Variants in LPCAT2 observed in about 807,000 individuals in gnomAD.
The protein encoded by LPCAT2 is lysophosphatidylcholine acyltransferase 2.
LPCAT2 carries 58 observed loss-of-function variants against 64.7 expected under a neutral mutation model. That is an observed-to-expected ratio of 0.90 (90% CI 0.73 to 1.12). The LOEUF (loss-of-function observed/expected upper bound fraction) is 1.12, where lower values mean the gene tolerates loss of function less well. Among genes scored for constraint, LPCAT2 ranks in the 50% most tolerant of loss-of-function variants. The pLI is 0.00. For synonymous variants in LPCAT2, 252 were observed against 245.3 expected (o/e 1.03, Z -0.26); for missense variants, 579 against 669.8 (o/e 0.86, Z 1.50).
chr16:55,571,499 T>A (rs1963769566), intron 11 of LPCAT2, among the ~76,000 whole-genome samples: 1 of 152,186 alleles, frequency 6.6e-6, no homozygotes, highest in Non-Finnish European at 1.5e-5. Context: ...TTACCCAATG[T>A]AACTCCTTAG....
chr16:55,514,891 TG>T (rs1253030090), intron 1 of LPCAT2, among the ~76,000 whole-genome samples: 2 of 17,290 alleles, frequency 1.2e-4, no homozygotes, highest in African/African-American at 2.2e-4. Context: ...TGCAATGCAT[TG>T]TGTGTGTGTG....
chr16:55,583,290 G>T lies in LPCAT2; in HGVS notation c.*192G>T, dbSNP rs12933746. 0.53 allele frequency: 276,300 copies of T among 526,230 alleles called. 73,958 individuals carry two copies. The highest frequency in any genetic ancestry group is 0.71 in the East Asian group (22,635 of 31,958). 32.6% of individuals were successfully genotyped at this position (526,230 alleles called of 1,614,324 possible). Reference sequence around the variant, plus strand: ...ATTGGAAAAAATCAAGCAATATTTCGTTTTCTTTTGTGTTATATTGTACTT... The same window carrying T: ...ATTGGAAAAAATCAAGCAATATTTCTTTTTCTTTTGTGTTATATTGTACTT... On this transcript the variant is annotated 3_prime_UTR_variant, in exon 14 of 14. Coordinates refer to ENST00000262134, the MANE Select transcript of LPCAT2 (RefSeq NM_017839.5).
Position 55,528,565 on chromosome 16 carries a change from A to G in LPCAT2, c.500A>G (p.Asn167Ser), listed in dbSNP as rs1429652807. Residue 167 changes from asparagine to serine, a missense_variant, in exon 3 of 14, where the codon AAT (asparagine) becomes AGT (serine). Physicochemically the swap from Asn to Ser is conservative, Grantham distance 46. Transcript: ENST00000262134. Reference sequence around the variant, plus strand: ...GGGTTACCTTCTATGGTATCTCGAAATGAGAATGCACAAGTCCCTCTGATT... The same window carrying G: ...GGGTTACCTTCTATGGTATCTCGAAGTGAGAATGCACAAGTCCCTCTGATT... Reference protein sequence around the residue: ...VAGLPSMVSRNENAQVPLIGR... With the variant: ...VAGLPSMVSRSENAQVPLIGR... 2 of 1,613,692 alleles carry G rather than the reference A, an allele frequency of 1.2e-6. No individual in the cohort carries two copies. The highest frequency in any genetic ancestry group is 2.2e-5 in the East Asian group (1 of 44,848).
At chr16:55,534,291 C>T in intron 6 of LPCAT2, 152 bp from the exon 7 acceptor site, 1 of 559,660 alleles carries the variant, frequency 1.8e-6, no homozygotes, top group South Asian at 2.3e-5. Context: ...GATCAGTTCA[C>T]TGTTCTTTAA....
intron 1 of LPCAT2, among the ~76,000 whole-genome samples, chr16:55,514,136 T>A (rs1962973190): frequency 6.6e-6 from 1 of 151,892 alleles, no homozygotes; most frequent in Admixed American, 6.6e-5. Context: ...GCCAAAAACC[T>A]TAAAAGAAAA....
chr16:55,559,515 CT>C (rs1420490584), intron 11 of LPCAT2, among the ~76,000 whole-genome samples: 1 of 152,124 alleles, frequency 6.6e-6, no homozygotes. Flanking sequence ...TTGCCTGCCC[CT>C]TCCTGTTACA....
intron 1 of LPCAT2, among the ~76,000 whole-genome samples, chr16:55,514,908 G>A (rs914718111): frequency 6.6e-6 from 1 of 151,520 alleles, no homozygotes; most frequent in Non-Finnish European, 1.5e-5. Flanking sequence ...GTGTGTGTGT[G>A]TGTGTGTGTG....
At chr16:55,550,672 T>C (rs902550183) in intron 10 of LPCAT2, among the ~76,000 whole-genome samples, 5 of 152,140 alleles carry the variant, frequency 3.3e-5, no homozygotes, top group South Asian at 4.1e-4. Context: ...TCCCAACACC[T>C]TGGGAGGCCG....
intron 11 of LPCAT2, among the ~76,000 whole-genome samples, chr16:55,555,285 T>G (rs1366471699): frequency 6.6e-6 from 1 of 152,188 alleles, no homozygotes; most frequent in African/African-American, 2.4e-5. Context: ...CTTTTAACAG[T>G]TTAATAATGT....
rs772023176 is a variant in LPCAT2, at chr16:55,551,099, C to T, written c.1212C>T (p.Asp404=). 6.2e-7 allele frequency: 1 copy of T among 1,607,734 alleles called. No homozygotes were observed. Among genetic ancestry groups the T allele is most frequent in the Non-Finnish European group, 8.5e-7 (1 of 1,176,204 alleles). ...DVLRQLFALF[D]RNHDGSIDFR... The stretch of plus-strand genomic sequence containing the variant: ...TGAGACAACTTTTTGCACTCTTTGA[C>T]AGGGTATGTTAAAATTTAATCTTTC... The change falls in exon 11 of 14, where the codon GAC becomes GAT. Residue 404 remains aspartate, a synonymous_variant. Transcript: ENST00000262134.
At chr16:55,574,099 A>G (rs1264220675) in intron 11 of LPCAT2, among the ~76,000 whole-genome samples, 3 of 152,212 alleles carry the variant, frequency 2.0e-5, no homozygotes, top group Non-Finnish European at 4.4e-5. Flanking sequence ...AAGTTGCCCA[A>G]GTTTGCTTCA....
intron 13 of LPCAT2, 129 bp downstream of exon 13, chr16:55,579,373 C>T (rs1339026922): frequency 1.1e-6 from 1 of 878,510 alleles, no homozygotes; most frequent in Non-Finnish European, 1.7e-6. Context: ...TATTGATGAC[C>T]ACAGTAATAA....
chr16:55,529,737 T>C, intron 3 of LPCAT2, 98 bp from the exon 4 acceptor site: 2 of 471,852 alleles, frequency 4.2e-6, no homozygotes, highest in Non-Finnish European at 7.4e-6. Flanking sequence ...GATTTACTCA[T>C]TTAAATTTTC....
At chr16:55,533,441 T>G (rs1303581403) in intron 6 of LPCAT2, among the ~76,000 whole-genome samples, 10 of 137,224 alleles carry the variant, frequency 7.3e-5, no homozygotes, top group Non-Finnish European at 1.4e-4. Context: ...GACAGAGTCT[T>G]GCTCTGTCAT....
At chr16:55,561,989 A>G (rs1426809647) in intron 11 of LPCAT2, among the ~76,000 whole-genome samples, 1 of 152,028 alleles carries the variant, frequency 6.6e-6, no homozygotes, top group Non-Finnish European at 1.5e-5. Flanking sequence ...TAATAGCTAG[A>G]ATAATCATTA....
chr16:55,521,835 A>G (rs538046312), intron 1 of LPCAT2, among the ~76,000 whole-genome samples: 8 of 151,796 alleles, frequency 5.3e-5, no homozygotes, highest in South Asian at 2.1e-4. Context: ...AAATAGGGAT[A>G]AAGAGAAACT....
intron 11 of LPCAT2, among the ~76,000 whole-genome samples, chr16:55,562,054 G>A (rs1389722445): frequency 2.0e-5 from 3 of 151,838 alleles, no homozygotes; most frequent in Admixed American, 6.6e-5. Flanking sequence ...ATCTCCTTTT[G>A]ACTTTACATT....
At chr16:55,526,695 A>G (rs965763209) in intron 2 of LPCAT2, among the ~76,000 whole-genome samples, 13 of 152,282 alleles carry the variant, frequency 8.5e-5, no homozygotes, top group African/African-American at 2.9e-4. Context: ...GAACGTTTTT[A>G]TGACTCACCA....
intron 11 of LPCAT2, chr16:55,567,448 A>G (rs1277890504): frequency 6.2e-7 from 1 of 1,613,682 alleles, no homozygotes; most frequent in Non-Finnish European, 8.5e-7. Flanking sequence ...AGAGATAGAG[A>G]TGGCCTGATT....
Sources: gnomAD v4.1 joint callset for allele counts (sites outside exome capture counted in the v4.1 genomes callset) on GRCh38, gnomAD v4.1.1 for gene constraint, MANE v1.5 for transcripts, NCBI Gene and HGNC (gene_info 2026-07-23, HGNC 2026-07-21) for gene names.